GRB10: variants seen among roughly 807,000 people sequenced by gnomAD.
GRB10 encodes the protein growth factor receptor-bound protein 10.
In GRB10, 20 loss-of-function variants were observed where a neutral mutation model predicts 80.9. The observed-to-expected ratio is 0.25, with a 90% CI of 0.17 to 0.36. The LOEUF is 0.36. GRB10 is among the 10% of genes least tolerant of loss of function. The probability of loss-of-function intolerance (pLI) is 1.00; values close to 1 mark genes in which losing one functional copy is unlikely to be tolerated. For synonymous variants in GRB10, 291 were observed against 291.5 expected (o/e 1.00, Z 0.02); for missense variants, 548 against 747.7 (o/e 0.73, Z 3.12).
In GRB10 at chr7:50,614,755, A is replaced by C; in HGVS notation, c.1095+15T>G. Reference sequence around the variant, plus strand: ...TGCTGAGCATGCGCGCCGTCTGTGGACAGCTCGTGGGTACCTTTATGCAGA... The same window carrying C: ...TGCTGAGCATGCGCGCCGTCTGTGGCCAGCTCGTGGGTACCTTTATGCAGA... On this transcript the variant is annotated intron_variant, in intron 12 of 18. Transcript: ENST00000401949. 1 of 1,561,700 alleles carries C rather than the reference A, an allele frequency of 6.4e-7. No homozygotes were observed.
intron 4 of GRB10, among the ~76,000 whole-genome samples, chr7:50,717,550 C>T (rs1587403081): frequency 6.6e-6 from 1 of 152,320 alleles, no homozygotes; most frequent in Middle Eastern, 3.4e-3. Flanking sequence ...ACAAGTAATA[C>T]AAACTTAAAA....
intron 4 of GRB10, among the ~76,000 whole-genome samples, chr7:50,712,907 A>G (rs765513712): frequency 7.2e-5 from 11 of 152,270 alleles, no homozygotes; most frequent in Non-Finnish European, 1.2e-4. Flanking sequence ...AAGGATCTGT[A>G]CAACCATCAC....
intron 7 of GRB10, among the ~76,000 whole-genome samples, chr7:50,662,902 G>T (rs2059422551): frequency 6.6e-6 from 1 of 152,202 alleles, no homozygotes; most frequent in Non-Finnish European, 1.5e-5. Context: ...ATGCTTTCAG[G>T]TGATGCTCTT....
intron 3 of GRB10, among the ~76,000 whole-genome samples, chr7:50,741,096 G>A (rs1464953317): frequency 6.6e-6 from 1 of 152,044 alleles, no homozygotes; most frequent in Non-Finnish European, 1.5e-5. Context: ...TTAGAAGCAA[G>A]TTTAATAAAA....
Position 50,789,859 on chromosome 7 carries a change from T to G in GRB10, c.-294+3365A>C, listed in dbSNP as rs1462199021. ...TTTTTGATAACCCCAGGAAATGGCT[T>G]CTTCTGTTGCCATCTCAAAGGACAA... is the stretch of plus-strand genomic sequence containing the variant. On this transcript the variant is annotated intron_variant, in intron 1 of 16. Coordinates refer to the GRB10 transcript ENST00000335866. Among the ~76,000 whole-genome samples, 6 of 152,222 alleles carry G rather than the reference T, an allele frequency of 3.9e-5. No individual in the cohort carries two copies. In the South Asian group the frequency reaches 6.2e-4, roughly 16 times the overall value.
intron 14 of GRB10, among the ~76,000 whole-genome samples, chr7:50,605,954 G>A (rs1202584279): frequency 6.6e-6 from 1 of 152,160 alleles, no homozygotes; most frequent in Non-Finnish European, 1.5e-5. Flanking sequence ...ATTCTCACCA[G>A]GGAATGAATG....
intron 4 of GRB10, among the ~76,000 whole-genome samples, chr7:50,710,039 T>C (rs970612114): frequency 6.6e-6 from 1 of 152,026 alleles, no homozygotes; most frequent in African/African-American, 2.4e-5. Context: ...CTCTACCCCA[T>C]CCACCATGCA....
intron 8 of GRB10, among the ~76,000 whole-genome samples, chr7:50,622,607 A>T (rs925975423): frequency 1.3e-5 from 2 of 152,090 alleles, no homozygotes; most frequent in Non-Finnish European, 2.9e-5. Context: ...CTCCCAGATT[A>T]TCTGACCTTA....
At chr7:50,600,503 CA>C (rs1364600177) in intron 17 of GRB10, among the ~76,000 whole-genome samples, 1 of 151,782 alleles carries the variant, frequency 6.6e-6, no homozygotes, top group Non-Finnish European at 1.5e-5. Context: ...CAAAACCAAA[CA>C]AAGACCAAAA....
chr7:50,644,726 A>T (rs2056885099), intron 7 of GRB10, among the ~76,000 whole-genome samples: 1 of 152,182 alleles, frequency 6.6e-6, no homozygotes, highest in South Asian at 2.1e-4. Flanking sequence ...CAAGAGCGGG[A>T]CATCAGCCTC....
chr7:50,782,945 C>A (rs899764661), upstream of GRB10: 2 of 152,570 alleles, frequency 1.3e-5, no homozygotes, highest in African/African-American at 4.8e-5. The surrounding 1 kb of genome is among the most constrained non-coding windows in gnomAD (Gnocchi z 6.6). Context: ...CGGCGGGGGC[C>A]CTCTGCTGCC....
intron 7 of GRB10, among the ~76,000 whole-genome samples, chr7:50,637,078 G>T (rs899900604): frequency 1.3e-5 from 2 of 152,168 alleles, no homozygotes; most frequent in Non-Finnish European, 2.9e-5. Flanking sequence ...CTGGCCTCAA[G>T]TGATCCTCCC....
intron 15 of GRB10, 125 bp downstream of exon 15, chr7:50,605,165 T>TCAGAGGC (rs11281397): frequency 0.98 from 700,196 of 711,244 alleles, 345,295 homozygotes; most frequent in East Asian, 1. Flanking sequence ...AGCTGAGAAC[T>TCAGAGGC]CACCCCACCC....
intron 7 of GRB10, among the ~76,000 whole-genome samples, chr7:50,654,063 A>G (rs1450968444): frequency 6.6e-6 from 1 of 152,200 alleles, no homozygotes; most frequent in Non-Finnish European, 1.5e-5. Flanking sequence ...CCGCCCTCGG[A>G]TGACGTTTAT....
intron 7 of GRB10, among the ~76,000 whole-genome samples, chr7:50,665,177 T>A (rs1265333542): frequency 1.3e-5 from 2 of 152,202 alleles, no homozygotes; most frequent in Non-Finnish European, 2.9e-5. Context: ...CTATGCACTC[T>A]CCCAGAGCAA....
At chr7:50,697,670 G>C (rs1395622378) in intron 5 of GRB10, among the ~76,000 whole-genome samples, 3 of 152,188 alleles carry the variant, frequency 2.0e-5, no homozygotes, top group African/African-American at 7.2e-5. Context: ...TAAGGAAGCA[G>C]GAAAGAACCG....
chr7:50,739,064 G>A (rs1283087939), intron 3 of GRB10, among the ~76,000 whole-genome samples: 2 of 152,140 alleles, frequency 1.3e-5, no homozygotes, highest in Non-Finnish European at 2.9e-5. Flanking sequence ...AATCGTTCAA[G>A]CAGAGTCAAA....
chr7:50,707,717 A>G (rs1188048664), intron 4 of GRB10, among the ~76,000 whole-genome samples: 2 of 152,220 alleles, frequency 1.3e-5, no homozygotes, highest in African/African-American at 4.8e-5. Flanking sequence ...TACCCCACGT[A>G]TTTCAAAGGG....
chr7:50,759,878 G>C (rs901407207), intron 2 of GRB10, among the ~76,000 whole-genome samples: 1 of 152,108 alleles, frequency 6.6e-6, no homozygotes, highest in Non-Finnish European at 1.5e-5. Context: ...AATGGCCAGG[G>C]GGCAGAGCGC....
Sources: allele counts gnomAD v4.1 joint callset (sites outside exome capture counted in the v4.1 genomes callset), GRCh38; gene constraint gnomAD v4.1.1; non-coding constraint Gnocchi (gnomAD v3.1); transcripts MANE v1.5; gene names NCBI Gene and HGNC (gene_info 2026-07-23, HGNC 2026-07-21).